Variants in CNTNAP2 observed in about 807,000 individuals in gnomAD.
The protein encoded by CNTNAP2 is contactin-associated protein-like 2.
CNTNAP2 carries 98 observed loss-of-function variants against 155.2 expected under a neutral mutation model. That is an observed-to-expected ratio of 0.63 (90% confidence interval 0.54 to 0.75). The LOEUF is 0.75. CNTNAP2 is among the 30% of genes least tolerant of loss of function. The pLI is 0.00. For missense variants in CNTNAP2, 1,727 were observed against 1,688.1 expected, an observed-to-expected ratio of 1.02 and a Z score of -0.40; for synonymous variants, 651 against 631.2, an observed-to-expected ratio of 1.03 and a Z score of -0.47.
intron 4 of CNTNAP2, among the ~76,000 whole-genome samples, chr7:147,052,829 A>G (rs1319095804): frequency 2.0e-5 from 3 of 152,088 alleles, no homozygotes; most frequent in Non-Finnish European, 4.4e-5. Flanking sequence ...TGAGGTAATT[A>G]AAATTGTCAT....
chr7:146,980,853 G>A (rs1249062185), intron 3 of CNTNAP2, among the ~76,000 whole-genome samples: 2 of 152,052 alleles, frequency 1.3e-5, no homozygotes, highest in African/African-American at 2.4e-5. Context: ...ATATCATCGG[G>A]TTCCTTCCTT....
Position 148,409,383 on chromosome 7 carries a change from C to CTT in CNTNAP2, c.3716-7_3716-6insTT, listed in dbSNP as rs72268642. The CTT allele has an allele frequency of 0.56, 880,037 of 1,578,214 alleles. 252,035 individuals carry two copies. The highest frequency in any genetic ancestry group is 0.66 in the African/African-American group (48,731 of 73,978). On this transcript the variant is annotated splice_region_variant and splice_polypyrimidine_tract_variant and intron_variant, in intron 22 of 23. Coordinates refer to ENST00000361727, the MANE Select transcript of CNTNAP2 (RefSeq NM_014141.6). The stretch of plus-strand genomic sequence containing the variant: ...GACTCTGACACTTGACTCTTTCTTT[C>CTT]TCTACAGCCAGTGCGGATTTTCCAT...
At chr7:146,841,128 A>G (rs1803712866) in intron 3 of CNTNAP2, among the ~76,000 whole-genome samples, 1 of 152,266 alleles carries the variant, frequency 6.6e-6, no homozygotes. Context: ...TTGTGTCCCA[A>G]CCCCAGAGAC....
intron 18 of CNTNAP2, among the ~76,000 whole-genome samples, chr7:148,202,904 T>C (rs577338148): frequency 6.6e-6 from 1 of 152,312 alleles, no homozygotes; most frequent in South Asian, 2.1e-4. Flanking sequence ...TTCTTTTTCC[T>C]TTCTCTTCTC....
chr7:146,238,813 C>T (rs1487007802), intron 1 of CNTNAP2, among the ~76,000 whole-genome samples: 1 of 152,142 alleles, frequency 6.6e-6, no homozygotes, highest in East Asian at 1.9e-4. Flanking sequence ...GGCAAGGCAC[C>T]TTCTTCACAA....
At chr7:146,274,522 A>G (rs1800133824) in intron 1 of CNTNAP2, among the ~76,000 whole-genome samples, 1 of 152,188 alleles carries the variant, frequency 6.6e-6, no homozygotes, top group African/African-American at 2.4e-5. Context: ...TAAACTGCAA[A>G]TGTACTCATC....
chr7:147,338,493 A>G (rs1795702451), intron 9 of CNTNAP2, among the ~76,000 whole-genome samples: 2 of 152,112 alleles, frequency 1.3e-5, no homozygotes, highest in Admixed American at 1.3e-4. Flanking sequence ...TGTGAAGTAA[A>G]TGCCCTGGTG....
chr7:147,865,136 AG>A (rs1799204894), intron 13 of CNTNAP2, among the ~76,000 whole-genome samples: 1 of 152,220 alleles, frequency 6.6e-6, no homozygotes, highest in African/African-American at 2.4e-5. Flanking sequence ...TTTAGCAGGA[AG>A]GGCTGTTGAA....
chr7:148,024,301 G>A (rs1483855605), intron 15 of CNTNAP2, among the ~76,000 whole-genome samples: 1 of 152,000 alleles, frequency 6.6e-6, no homozygotes, highest in East Asian at 1.9e-4. Flanking sequence ...GGAAATTGTG[G>A]CCTCCATACC....
intron 1 of CNTNAP2, among the ~76,000 whole-genome samples, chr7:146,548,105 C>T (rs1486092296): frequency 6.6e-6 from 1 of 151,868 alleles, no homozygotes; most frequent in African/African-American, 2.4e-5. Context: ...CCCTGACTCT[C>T]CCTCCTCCCA....
In CNTNAP2 at chr7:148,416,078, T is replaced by TA. The variant is rs1799981769; in HGVS notation, c.*463dup. ...CTTCTAGTCAACCTTAATGGGCTGT[T>TA]ACAGAAACTAGTTCGTGTTTATATA... is the stretch of plus-strand genomic sequence containing the variant. On this transcript the variant is annotated 3_prime_UTR_variant, in exon 24 of 24. Coordinates refer to ENST00000361727, the MANE Select transcript of CNTNAP2 (RefSeq NM_014141.6). 2 of 173,974 alleles carry TA rather than the reference T, an allele frequency of 1.1e-5. No homozygotes were observed. Among genetic ancestry groups the TA allele is most frequent in the African/African-American group, 4.8e-5 (2 of 41,760 alleles). The allele number at this position is 173,974 out of a possible 1,614,324, so 10.8% of individuals were successfully genotyped here. A position where few individuals can be genotyped will look rare whatever the true frequency, so the allele number is the denominator to read the frequency against.
intron 16 of CNTNAP2, among the ~76,000 whole-genome samples, chr7:148,121,312 C>T (rs912679870): frequency 1.3e-5 from 2 of 152,128 alleles, no homozygotes; most frequent in Admixed American, 1.3e-4. Context: ...GGATTACAGG[C>T]GTGAGCCACC....
chr7:146,593,896 G>A (rs1798820256), intron 1 of CNTNAP2, among the ~76,000 whole-genome samples: 1 of 152,220 alleles, frequency 6.6e-6, no homozygotes, highest in South Asian at 2.1e-4. Flanking sequence ...TTTAATTTTA[G>A]CAAGACTCTT....
At chr7:146,564,769 T>C (rs1798331719) in intron 1 of CNTNAP2, among the ~76,000 whole-genome samples, 1 of 151,856 alleles carries the variant, frequency 6.6e-6, no homozygotes, top group Admixed American at 6.6e-5. Flanking sequence ...GATTTAGATC[T>C]TCTTTCTTTC....
intron 21 of CNTNAP2, among the ~76,000 whole-genome samples, chr7:148,307,102 A>G (rs1797503677): frequency 6.6e-6 from 1 of 152,170 alleles, no homozygotes; most frequent in Admixed American, 6.5e-5. Context: ...AAGAAGGAAG[A>G]GGACTGCGAG....
At chr7:148,209,108 A>G (rs1795500613) in intron 18 of CNTNAP2, among the ~76,000 whole-genome samples, 1 of 151,996 alleles carries the variant, frequency 6.6e-6, no homozygotes, top group African/African-American at 2.4e-5. Flanking sequence ...AGGCACCTCA[A>G]ACTTGACCTG....
rs1800079339 is a variant in CNTNAP2, at chr7:148,420,031, TC to T, written c.*4416del. 6.6e-6 allele frequency: 1 copy of T among 152,174 alleles called. No homozygotes were observed. The highest frequency in any genetic ancestry group is 1.5e-5 in the Non-Finnish European group (1 of 68,042). The allele number at this position is 152,174 out of a possible 1,614,324, so 9.4% of individuals were successfully genotyped here. A position where few individuals can be genotyped will look rare whatever the true frequency, so the allele number is the denominator to read the frequency against. Reference sequence around the variant, plus strand: ...TTGTGGCTTGTGGTTGAAAGTCACATCAAAAGACAAATGTGGCCACGTTCAG... The same window carrying T: ...TTGTGGCTTGTGGTTGAAAGTCACATAAAAGACAAATGTGGCCACGTTCAG... On this transcript the variant is annotated 3_prime_UTR_variant, in exon 24 of 24. Coordinates refer to ENST00000361727, the MANE Select transcript of CNTNAP2 (RefSeq NM_014141.6).
intron 8 of CNTNAP2, among the ~76,000 whole-genome samples, chr7:147,265,425 A>T (rs1033660206): frequency 2.0e-5 from 3 of 151,980 alleles, no homozygotes; most frequent in Non-Finnish European, 4.4e-5. Flanking sequence ...ACAGACTCTG[A>T]CCCATCCCTC....
rs1441038850 is a variant in CNTNAP2 at position 147,671,587 on chromosome 7, G to A, written c.2098+32281G>A. The A allele has an allele frequency of 3.9e-5, 6 of 152,092 alleles. No individual in the cohort carries two copies. The East Asian group carries it at 1.2e-3, about 29-fold the overall frequency. The allele number at this position is 152,092 out of a possible 1,614,324, so 9.4% of individuals were successfully genotyped here. A position where few individuals can be genotyped will look rare whatever the true frequency, so the allele number is the denominator to read the frequency against. ...AGAATTATGAATTTCCTGAAAGTGG[G>A]ATGGAATACAGAATGTTCCCCAAAT... is the stretch of plus-strand genomic sequence containing the variant. On this transcript the variant is annotated intron_variant, in intron 13 of 23. Coordinates refer to ENST00000361727, the MANE Select transcript of CNTNAP2 (RefSeq NM_014141.6).
Sources: gnomAD v4.1 joint callset for allele counts (sites outside exome capture counted in the v4.1 genomes callset) on GRCh38, gnomAD v4.1.1 for gene constraint, MANE v1.5 for transcripts, NCBI Gene and HGNC (gene_info 2026-07-23, HGNC 2026-07-21) for gene names.